Variants in P2RX5 observed in about 807,000 individuals in gnomAD.
P2RX5 encodes the protein purinergic receptor P2X 5.
In P2RX5, 46 loss-of-function variants were observed where a neutral mutation model predicts 54.1. That is an observed-to-expected ratio of 0.85 (90% CI 0.67 to 1.09). The LOEUF (loss-of-function observed/expected upper bound fraction) is 1.09, where lower values mean the gene tolerates loss of function less well. Among genes scored for constraint, P2RX5 ranks in the 50% least tolerant of loss-of-function variants. The pLI, the probability that P2RX5 is intolerant of heterozygous loss-of-function variation, is 0.00. For missense variants in P2RX5, 566 were observed against 549.8 expected (o/e 1.03, Z -0.29); for synonymous variants, 226 against 226.4 (o/e 1.00, Z 0.02).
chr17:3,677,196 AG>A, intron 11 of P2RX5: 1 of 985,394 alleles, frequency 1.0e-6, no homozygotes, highest in Non-Finnish European at 1.2e-6. Context: ...TCCCTAACTC[AG>A]CCCGTTTACA....
chr17:3,713,909 A>T, the P2RX5 span, among the ~76,000 whole-genome samples: 1 of 151,604 alleles, frequency 6.6e-6, no homozygotes. Flanking sequence ...ATTGATACTT[A>T]AGAATTATCT....
chr17:3,716,908 T>C, the P2RX5 span: 16 of 656,796 alleles, frequency 2.4e-5, no homozygotes, highest in South Asian at 2.7e-4. Context: ...AACCCGTGTA[T>C]TGATCAAAGC....
chr17:3,682,415 C>G (rs2050310013), intron 9 of P2RX5: 1 of 300,436 alleles, frequency 3.3e-6, no homozygotes, highest in South Asian at 3.0e-5. Context: ...GGTCCCTATT[C>G]AGTCCTTAAG....
the P2RX5 span, among the ~76,000 whole-genome samples, chr17:3,706,166 G>T: frequency 7.2e-5 from 11 of 151,944 alleles, no homozygotes; most frequent in Non-Finnish European, 1.3e-4. Context: ...TGTTGGCCAG[G>T]ACAGTCTCGA....
chr17:3,677,238 T>C, intron 11 of P2RX5: 1 of 985,240 alleles, frequency 1.0e-6, no homozygotes, highest in South Asian at 4.7e-5. Flanking sequence ...TTGATCTCAT[T>C]AGCACTTCAG....
the P2RX5 span, chr17:3,720,434 A>C: frequency 1.2e-5 from 12 of 999,560 alleles, no homozygotes; most frequent in Non-Finnish European, 1.9e-5. Flanking sequence ...GAGGGAAACA[A>C]AACATATTTT....
chr17:3,678,161 A>C lies in P2RX5; in HGVS notation c.1259+1429T>G, dbSNP rs960528085. ...CCTGTGTGTGGGCGGGAGGGGGCGCACAGGGCAGAGAGGACTGTCGGGAGC... is the reference window on the plus strand; with the variant it reads ...CCTGTGTGTGGGCGGGAGGGGGCGCCCAGGGCAGAGAGGACTGTCGGGAGC... On this transcript the variant is annotated intron_variant, in intron 11 of 11. Transcript: ENST00000225328. 5.9e-5 allele frequency: 57 copies of C among 962,406 alleles called. No individual in the cohort carries two copies. The African/African-American group carries it at 9.7e-4, about 16-fold the overall frequency. 59.6% of individuals were successfully genotyped at this position (962,406 alleles called of 1,614,324 possible).
rs1312293644 is a variant in P2RX5 at position 3,673,511 on chromosome 17, C to G, written c.*357G>C. Reference sequence around the variant, plus strand: ...ACAATGCTATTCCCAGTGAGGTAATCTAGGAACTCTACAGGGCACTGCGGT... The same window carrying G: ...ACAATGCTATTCCCAGTGAGGTAATGTAGGAACTCTACAGGGCACTGCGGT... On this transcript the variant is annotated 3_prime_UTR_variant, in exon 12 of 12. Transcript: ENST00000225328. 8.2e-7 allele frequency: 1 copy of G among 1,219,102 alleles called. No homozygotes were observed. The highest frequency in any genetic ancestry group is 1.5e-5 in the African/African-American group (1 of 64,940). The allele number at this position is 1,219,102 out of a possible 1,614,324, so 75.5% of individuals were successfully genotyped here.
At position 3,689,525 on chromosome 17, in the gene P2RX5, C is replaced by T. The variant is rs1457236232; in HGVS notation, c.720G>A (p.Trp240Ter). 1.2e-6 allele frequency: 2 copies of T among 1,614,164 alleles called. No homozygotes were observed. Among genetic ancestry groups the T allele is most frequent in the Non-Finnish European group, 1.7e-6 (2 of 1,180,030 alleles). The change falls in exon 7 of 12, where the codon TGG becomes TGA. Residue 240 changes from tryptophan (W) to a stop codon, truncating the protein, a stop_gained. Coordinates refer to ENST00000225328, the MANE Select transcript of P2RX5 (RefSeq NM_002561.4). LOFTEE classifies it high-confidence loss of function. ...PIFRLGSVIR[W>*]AGSDFQDIAL... ...CTATATCCTGGAAGTCGCTCCCGGC[C>T]CAGCGGATCACGGAGCCCAGTCGGA...
chr17:3,714,579 T>G, the P2RX5 span: 1 of 314,650 alleles, frequency 3.2e-6, no homozygotes, highest in Non-Finnish European at 5.8e-6. Context: ...TCAGGCAAAA[T>G]GTACTGCAAA....
At chr17:3,695,537 C>T (rs1200585611) in intron 1 of P2RX5, among the ~76,000 whole-genome samples, 1 of 152,168 alleles carries the variant, frequency 6.6e-6, no homozygotes, top group African/African-American at 2.4e-5. Flanking sequence ...CCCCTGGCAT[C>T]CCTGCCCCCT....
At chr17:3,697,101 G>A (rs959359762), upstream of P2RX5, among the ~76,000 whole-genome samples, 3 of 142,386 alleles carry the variant, frequency 2.1e-5, no homozygotes, top group African/African-American at 7.7e-5. Flanking sequence ...AGTGCCGGCA[G>A]CATGAAGACC....
intron 11 of P2RX5, chr17:3,676,637 G>A (rs2050111526): frequency 1.0e-6 from 1 of 982,416 alleles, no homozygotes; most frequent in Non-Finnish European, 1.2e-6. Context: ...GAGAACCAGG[G>A]CTTCTTAAAT....
intron 11 of P2RX5, chr17:3,677,174 G>A (rs1237419752): frequency 2.0e-6 from 2 of 985,192 alleles, no homozygotes; most frequent in Non-Finnish European, 1.2e-6. Flanking sequence ...CGGAGGGAGG[G>A]GAATGAGGGC....
the P2RX5 span, among the ~76,000 whole-genome samples, chr17:3,704,401 C>T: frequency 5.4e-3 from 820 of 152,304 alleles, 7 homozygotes; most frequent in African/African-American, 0.018. Context: ...CCAAGAGCCT[C>T]CCAAGGCAAC....
intron 11 of P2RX5, chr17:3,678,079 C>T (rs2050144945): frequency 1.0e-6 from 1 of 985,496 alleles, no homozygotes; most frequent in Non-Finnish European, 1.2e-6. Flanking sequence ...GCCCTGGCTA[C>T]ATCTCCACTG....
rs2143001224 is a variant in P2RX5 at position 3,691,772 on chromosome 17, C to A, written c.160G>T (p.Gly54Cys). The change falls in exon 2 of 12, where the codon GGT becomes TGT. Residue 54 changes from glycine (G) to cysteine (C), a missense_variant. Gly to Cys is a radical substitution (Grantham distance 159). Transcript: ENST00000225328. Reference sequence around the variant, plus strand: ...AGGGAGGTGTCGACGTCTTGGTAACCCTTCTTTATCAGGAACACCCATCTG... The same window carrying A: ...AGGGAGGTGTCGACGTCTTGGTAACACTTCTTTATCAGGAACACCCATCTG... ...LVVWVFLIKK[G>C]YQDVDTSLQS... The A allele has an allele frequency of 5.6e-6, 9 of 1,614,180 alleles. No homozygotes were observed. The highest frequency in any genetic ancestry group is 7.6e-6 in the Non-Finnish European group (9 of 1,180,044).
intron 9 of P2RX5, among the ~76,000 whole-genome samples, chr17:3,685,284 A>G (rs781163025): frequency 6.6e-6 from 1 of 152,180 alleles, no homozygotes; most frequent in African/African-American, 2.4e-5. Flanking sequence ...CTACCAGCAC[A>G]TGCCTCCCTG....
chr17:3,701,976 A>G, the P2RX5 span, among the ~76,000 whole-genome samples: 1 of 151,840 alleles, frequency 6.6e-6, no homozygotes, highest in Non-Finnish European at 1.5e-5. Flanking sequence ...ACGGAGTTTC[A>G]CCATGTTGGT....
Sources: gnomAD v4.1 joint callset for allele counts (sites outside exome capture counted in the v4.1 genomes callset) on GRCh38, gnomAD v4.1.1 for gene constraint, MANE v1.5 for transcripts, NCBI Gene and HGNC (gene_info 2026-07-23, HGNC 2026-07-21) for gene names.